Variants in SHOX observed in about 807,000 individuals in gnomAD.
The protein encoded by SHOX is short stature homeobox protein.
SHOX carries 12 observed loss-of-function variants against 29.6 expected under a neutral mutation model. The observed-to-expected ratio is 0.41, with a 90% confidence interval of 0.26 to 0.66. The LOEUF is 0.66. SHOX is among the 30% of genes least tolerant of loss of function. The probability of loss-of-function intolerance (pLI) is 0.35; values close to 1 mark genes in which losing one functional copy is unlikely to be tolerated. For synonymous variants in SHOX, 214 were observed against 200.6 expected (o/e 1.07, Z -0.57); for missense variants, 499 against 437.7 (o/e 1.14, Z -1.25).
intron 5 of SHOX, among the ~76,000 whole-genome samples, chrX:658,385 G>C (rs2053176342): frequency 6.6e-6 from 1 of 151,896 alleles, no homozygotes; most frequent in Non-Finnish European, 1.5e-5. Flanking sequence ...ATAAAAATAA[G>C]AAAAAGTCGA....
chrX:657,572 G>A (rs2053165041), intron 5 of SHOX, among the ~76,000 whole-genome samples: 2 of 152,140 alleles, frequency 1.3e-5, no homozygotes, highest in African/African-American at 4.8e-5. Flanking sequence ...CCACACACAG[G>A]TGAATTAACA....
At chrX:625,979 GTA>G (rs2052525537), upstream of SHOX, among the ~76,000 whole-genome samples, 1 of 18,458 alleles carries the variant, frequency 5.4e-5, no homozygotes, top group Non-Finnish European at 1.1e-4. Flanking sequence ...CTCTTTCTCT[GTA>G]TCTCTGTCTA....
chrX:625,291 T>C (rs1459173416), intron 1 of SHOX, among the ~76,000 whole-genome samples: 1 of 150,582 alleles, frequency 6.6e-6, no homozygotes, highest in Non-Finnish European at 1.5e-5. Flanking sequence ...CTTTCCCCTT[T>C]GCGTTTTTAT....
chrX:654,752 T>C (rs1385084407), downstream of SHOX, among the ~76,000 whole-genome samples: 1 of 152,120 alleles, frequency 6.6e-6, no homozygotes, highest in Non-Finnish European at 1.5e-5. Context: ...TGGCGTGATC[T>C]CAGCTCACTG....
upstream of SHOX, among the ~76,000 whole-genome samples, chrX:628,731 GTC>G (rs1380968645): frequency 1.1e-4 from 1 of 8,998 alleles, no homozygotes; most frequent in Non-Finnish European, 2.2e-4. Flanking sequence ...GTCTCTCCCT[GTC>G]TGTTTCTCTC....
chrX:651,870 C>T (rs1395114472), downstream of SHOX, among the ~76,000 whole-genome samples: 1 of 152,064 alleles, frequency 6.6e-6, no homozygotes, highest in Non-Finnish European at 1.5e-5. Context: ...GGAAAAAGCC[C>T]TGATTTGAAT....
At position 650,274 on chromosome X, in the gene SHOX, C is replaced by T. The variant is rs190526960; in HGVS notation, c.*5638C>T. Among the ~76,000 whole-genome samples, 121 of 152,292 alleles carry T rather than the reference C, an allele frequency of 7.9e-4. No homozygotes were observed. Among genetic ancestry groups the T allele is most frequent in the African/African-American group, 2.5e-3 (106 of 41,572 alleles). On this transcript the variant is annotated 3_prime_UTR_variant, in exon 5 of 5. Coordinates refer to ENST00000686671, the MANE Select transcript of SHOX (RefSeq NM_000451.4). ...TGCGACGGGCTTGGTGTCTCCCGTACGGGAAGGAGGCCTTTGGGCCGCTCC... is the reference window on the plus strand; with the variant it reads ...TGCGACGGGCTTGGTGTCTCCCGTATGGGAAGGAGGCCTTTGGGCCGCTCC...
chrX:653,963 T>A (rs898225595), downstream of SHOX, among the ~76,000 whole-genome samples: 26 of 152,150 alleles, frequency 1.7e-4, no homozygotes, highest in African/African-American at 5.3e-4. Flanking sequence ...ATGCCTATAT[T>A]GAACTCATAA....
At chrX:657,523 G>T (rs948888281) in intron 5 of SHOX, among the ~76,000 whole-genome samples, 1 of 152,074 alleles carries the variant, frequency 6.6e-6, no homozygotes, top group African/African-American at 2.4e-5. Context: ...GTTTTTTTCA[G>T]AGAAGAACCT....
At chrX:651,679 G>T (rs28679432), downstream of SHOX, among the ~76,000 whole-genome samples, 1,316 of 150,236 alleles carry the variant, frequency 8.8e-3, 25 homozygotes, top group African/African-American at 0.031. Context: ...AGTCGGCCGT[G>T]GCTGAACACA....
chrX:631,778 C>G (rs1263463655), intron 1 of SHOX: 10 of 411,640 alleles, frequency 2.4e-5, no homozygotes, highest in Non-Finnish European at 4.5e-5. Flanking sequence ...GTGATCCACC[C>G]GCCTCGGCCT....
chrX:654,877 G>C (rs1281159865), downstream of SHOX, among the ~76,000 whole-genome samples: 1 of 148,476 alleles, frequency 6.7e-6, no homozygotes, highest in Non-Finnish European at 1.5e-5. Flanking sequence ...TAGTAGAGAC[G>C]AGGTTTCCCC....
At chrX:634,543 G>A in intron 1 of SHOX, 75 bp from the exon 2 acceptor site, 1 of 1,506,462 alleles carries the variant, frequency 6.6e-7, no homozygotes, top group Non-Finnish European at 9.1e-7. Context: ...TTCCACCGCG[G>A]GATGCACGAA....
chrX:640,779 G>A, intron 2 of SHOX, 42 bp from the exon 3 acceptor site: 1 of 1,611,504 alleles, frequency 6.2e-7, no homozygotes, highest in Non-Finnish European at 8.5e-7. Context: ...GGCTGGGCTG[G>A]GTTCACAGGG....
upstream of SHOX, among the ~76,000 whole-genome samples, chrX:628,606 C>T (rs1253840203): frequency 7.0e-5 from 3 of 43,002 alleles, no homozygotes; most frequent in Admixed American, 2.3e-4. Flanking sequence ...TCTCTCTCTC[C>T]ATCTCTCTCT....
In SHOX at chrX:650,854, CG is replaced by C. The variant is rs2124210939; in HGVS notation, c.*6219del. Among the ~76,000 whole-genome samples, 1 of 141,454 alleles carries C rather than the reference CG, an allele frequency of 7.1e-6. No homozygotes were observed. Among genetic ancestry groups the C allele is most frequent in the South Asian group, 2.2e-4 (1 of 4,452 alleles). The allele number at this position is 141,454 out of a possible 152,430, so 92.8% of individuals were successfully genotyped here. A position where few individuals can be genotyped will look rare whatever the true frequency, so the allele number is the denominator to read the frequency against. On this transcript the variant is annotated 3_prime_UTR_variant, in exon 5 of 5. Coordinates refer to ENST00000686671, the MANE Select transcript of SHOX (RefSeq NM_000451.4). ...AATTTATTAAAGAGAATTAGCTTAG[CG>C]AGTATATGCTGATATTCTTCGACAC...
At chrX:634,230 C>G (rs1017870199) in intron 1 of SHOX, among the ~76,000 whole-genome samples, 2 of 152,216 alleles carry the variant, frequency 1.3e-5, no homozygotes, top group African/African-American at 4.8e-5. Flanking sequence ...GGGTCCTCCC[C>G]GTGTCCTTCC....
At chrX:641,791 CCA>C (rs2052858548) in intron 4 of SHOX, among the ~76,000 whole-genome samples, 3 of 152,130 alleles carry the variant, frequency 2.0e-5, no homozygotes, top group Admixed American at 2.0e-4. Context: ...GGTGAAAAGT[CCA>C]CACAGTCAGG....
At chrX:639,757 T>C (rs1464710130) in intron 2 of SHOX, among the ~76,000 whole-genome samples, 2 of 152,214 alleles carry the variant, frequency 1.3e-5, no homozygotes, top group East Asian at 3.8e-4. Flanking sequence ...ATCCCAGCAC[T>C]TTGGGAGGCC....
Sources: allele counts gnomAD v4.1 joint callset (sites outside exome capture counted in the v4.1 genomes callset), GRCh38; gene constraint gnomAD v4.1.1; transcripts MANE v1.5; gene names NCBI Gene and HGNC (gene_info 2026-07-23, HGNC 2026-07-21).